Variants in WDFY3 observed in about 807,000 individuals in gnomAD.
WDFY3 encodes the protein WD repeat and FYVE domain containing 3, also known as WD repeat and FYVE domain-containing protein 3.
WDFY3 carries 66 observed loss-of-function variants against 409.6 expected under a neutral mutation model. The ratio of observed to expected loss-of-function variants is 0.16; its 90% confidence interval spans 0.13 to 0.20. WDFY3 has a LOEUF of 0.20. Among genes scored for constraint, WDFY3 ranks in the 10% least tolerant of loss-of-function variants. The probability of loss-of-function intolerance (pLI) is 1.00; values close to 1 mark genes in which losing one functional copy is unlikely to be tolerated. For synonymous variants in WDFY3, 1,521 were observed against 1,537.1 expected, an observed-to-expected ratio of 0.99 and a Z score of 0.25; for missense variants, 3,031 against 4,298.1, an observed-to-expected ratio of 0.71 and a Z score of 8.24.
intron 67 of WDFY3, 49 bp from the exon 68 acceptor site, chr4:84,673,040 T>C: frequency 6.2e-7 from 1 of 1,608,682 alleles, no homozygotes; most frequent in Non-Finnish European, 8.5e-7. Context: ...CCATGCTTGA[T>C]CATGGGCACC....
At chr4:84,710,575 T>C (rs187689537) in intron 51 of WDFY3, among the ~76,000 whole-genome samples, 55 of 152,358 alleles carry the variant, frequency 3.6e-4, no homozygotes, top group Admixed American at 2.2e-3. Context: ...CACTTTGAGA[T>C]AGTCTTTCCA....
chr4:84,888,780 C>T (rs1277944004), intron 3 of WDFY3, among the ~76,000 whole-genome samples: 1 of 151,550 alleles, frequency 6.6e-6, no homozygotes, highest in Non-Finnish European at 1.5e-5. Flanking sequence ...TTGGGACTAA[C>T]CAAGGTGAGA....
In WDFY3 at chr4:84,780,808, G is replaced by A. The variant is rs191980678; in HGVS notation, c.4175-510C>T. ...AAATAAATAAATAATAAAATTCTTTGAAAAGGAAAAAAAGCTAATCTACAT... is the reference window on the plus strand; with the variant it reads ...AAATAAATAAATAATAAAATTCTTTAAAAAGGAAAAAAAGCTAATCTACAT... On this transcript the variant is annotated intron_variant, in intron 25 of 67. Coordinates refer to ENST00000295888, the MANE Select transcript of WDFY3 (RefSeq NM_014991.6). Among the ~76,000 whole-genome samples the A allele has an allele frequency of 8.0e-3, 1,208 of 151,804 alleles. 14 individuals are homozygous for A. Among genetic ancestry groups the A allele is most frequent in the African/African-American group, 0.027 (1,137 of 41,462 alleles).
Position 84,695,979 on chromosome 4 carries a change from G to A in WDFY3, c.8892C>T (p.Ile2964=), listed in dbSNP as rs1730080291. The part of the protein sequence containing the change: ...TIGFINNFGQ[I]PKQLFKKPHP... ...AAAAAAACATCCATACCTGTTTAGG[G>A]ATCTGACCGAAGTTATTAATGAACC... The change falls in exon 58 of 68, where the codon ATC becomes ATT. Residue 2964 remains isoleucine, a synonymous_variant. Transcript: ENST00000295888. The A allele has an allele frequency of 1.2e-6, 2 of 1,614,046 alleles. No individual in the cohort carries two copies. The highest frequency in any genetic ancestry group is 1.3e-5 in the African/African-American group (1 of 75,044).
Position 84,777,764 on chromosome 4 carries a change from A to T in WDFY3, c.4518+739T>A, listed in dbSNP as rs548699326. ...GGTGGTAGGAACACAAAGACAAAGA[A>T]GATAAACATGATTTCCCCAATCATA... On this transcript the variant is annotated intron_variant, in intron 27 of 67. Transcript: ENST00000295888. Among the ~76,000 whole-genome samples, 4 of 152,270 alleles carry T rather than the reference A, an allele frequency of 2.6e-5. 1 individual carries two copies. In the South Asian group the frequency reaches 8.3e-4, roughly 32 times the overall value.
chr4:84,828,379 C>T (rs1002737217), intron 9 of WDFY3, among the ~76,000 whole-genome samples: 2 of 151,878 alleles, frequency 1.3e-5, no homozygotes, highest in African/African-American at 2.4e-5. Flanking sequence ...TTATTAAGTA[C>T]ATTAATAAAA....
At chr4:84,844,510 C>G (rs1210718295) in intron 5 of WDFY3, 1 of 1,289,038 alleles carries the variant, frequency 7.8e-7, no homozygotes, top group Non-Finnish European at 1.0e-6. Context: ...CACTGTTTTT[C>G]TGTTTAAAAA....
At chr4:84,849,778 G>A in intron 5 of WDFY3, 124 bp downstream of exon 5, 1 of 1,324,468 alleles carries the variant, frequency 7.6e-7, no homozygotes, top group Admixed American at 2.4e-5. Context: ...AAGGGAAAGG[G>A]AATGGGTAAA....
In WDFY3 at chr4:84,821,695, T is replaced by G. The variant is rs185684399; in HGVS notation, c.1124-144A>C. Reference sequence around the variant, plus strand: ...ACCCTGTTTTCACAAAAGGTCTTATTTTTCTTCATCAGGTTCAAATCATTT... The same window carrying G: ...ACCCTGTTTTCACAAAAGGTCTTATGTTTCTTCATCAGGTTCAAATCATTT... On this transcript the variant is annotated intron_variant, in intron 10 of 67. Transcript: ENST00000295888. The G allele has an allele frequency of 1.0e-4, 69 of 678,422 alleles. No homozygotes were observed. In the African/African-American group the frequency reaches 1.2e-3, roughly 12 times the overall value. 42.0% of individuals were successfully genotyped at this position (678,422 alleles called of 1,614,324 possible). A position where few individuals can be genotyped will look rare whatever the true frequency, so the allele number is the denominator to read the frequency against.
At position 84,724,543 on chromosome 4, in the gene WDFY3, T is replaced by C. The variant is rs149554071; in HGVS notation, c.7324A>G (p.Met2442Val). ...AVSYDSKEYY[M>V]RLASGNPAIV... is the part of the protein sequence containing the mutation. ...GCGGGATTGCCAGAGGCCAGTCGCATGTAGTACTCTTTACTGTCATAACTT... is the reference window on the plus strand; with the variant it reads ...GCGGGATTGCCAGAGGCCAGTCGCACGTAGTACTCTTTACTGTCATAACTT... The change falls in exon 46 of 68, where the codon ATG becomes GTG. Residue 2442 changes from methionine to valine, a missense_variant. Coordinates refer to ENST00000295888, the MANE Select transcript of WDFY3 (RefSeq NM_014991.6). 32 of 1,614,126 alleles carry C rather than the reference T, an allele frequency of 2.0e-5. No homozygotes were observed. In the African/African-American group the frequency reaches 3.5e-4, roughly 17 times the overall value.
intron 17 of WDFY3, among the ~76,000 whole-genome samples, chr4:84,801,037 G>A (rs1468186605): frequency 6.6e-6 from 1 of 152,160 alleles, no homozygotes; most frequent in Non-Finnish European, 1.5e-5. Context: ...ATGGGCTAAG[G>A]GCTAACGATG....
At chr4:84,740,118 A>C in intron 39 of WDFY3, 69 bp downstream of exon 39, 1 of 1,485,862 alleles carries the variant, frequency 6.7e-7, no homozygotes, top group Non-Finnish European at 9.3e-7. Flanking sequence ...TATCAAAAAA[A>C]ATAAAGAATT....
intron 1 of WDFY3, among the ~76,000 whole-genome samples, chr4:84,960,929 AT>A (rs1774833833): frequency 6.6e-6 from 1 of 152,100 alleles, no homozygotes; most frequent in South Asian, 2.1e-4. Context: ...ACTACGTGAA[AT>A]TTCAAAGACA....
At position 84,831,655 on chromosome 4, in the gene WDFY3, A is replaced by G. The variant is rs1460979903; in HGVS notation, c.577-50T>C. On this transcript the variant is annotated intron_variant, in intron 7 of 67. Coordinates refer to ENST00000295888, the MANE Select transcript of WDFY3 (RefSeq NM_014991.6). Reference sequence around the variant, plus strand: ...AAGAGTGTATAAGCAAAAATCAAATAATCTGATTTAAAAATGGGCAAATGA... The same window carrying G: ...AAGAGTGTATAAGCAAAAATCAAATGATCTGATTTAAAAATGGGCAAATGA... The G allele has an allele frequency of 2.6e-6, 4 of 1,513,120 alleles. No individual in the cohort carries two copies. The South Asian group carries it at 3.8e-5, about 14-fold the overall frequency. The allele number at this position is 1,513,120 out of a possible 1,614,324, so 93.7% of individuals were successfully genotyped here. A position where few individuals can be genotyped will look rare whatever the true frequency, so the allele number is the denominator to read the frequency against.
intron 17 of WDFY3, among the ~76,000 whole-genome samples, chr4:84,801,020 G>A (rs1750445840): frequency 6.6e-6 from 1 of 152,170 alleles, no homozygotes; most frequent in African/African-American, 2.4e-5. Flanking sequence ...ACAGATCAGT[G>A]ATTTCCATGG....
chr4:84,688,493 G>T (rs1468542185), intron 61 of WDFY3, among the ~76,000 whole-genome samples: 1 of 152,168 alleles, frequency 6.6e-6, no homozygotes, highest in East Asian at 1.9e-4. Flanking sequence ...CACTCTGGAG[G>T]CTCTTTACTT....
chr4:84,855,723 A>G (rs928772884), intron 4 of WDFY3, among the ~76,000 whole-genome samples: 2 of 152,238 alleles, frequency 1.3e-5, no homozygotes, highest in African/African-American at 4.8e-5. Flanking sequence ...AACAATGTTA[A>G]AAAATTAACA....
At chr4:84,734,976 GACAA>G in intron 43 of WDFY3, 63 bp downstream of exon 43, 4 of 1,334,222 alleles carry the variant, frequency 3.0e-6, no homozygotes, top group Non-Finnish European at 4.3e-6. Context: ...AAGATACCAG[GACAA>G]ACAGAGACCT....
At chr4:84,704,271 A>T in intron 55 of WDFY3, 67 bp downstream of exon 55, 1 of 1,146,672 alleles carries the variant, frequency 8.7e-7, no homozygotes, top group Non-Finnish European at 1.2e-6. Context: ...ATGATGTTTT[A>T]AAAGGTGACA....
Sources: allele counts gnomAD v4.1 joint callset (sites outside exome capture counted in the v4.1 genomes callset), GRCh38; gene constraint gnomAD v4.1.1; transcripts MANE v1.5; gene names NCBI Gene and HGNC (gene_info 2026-07-23, HGNC 2026-07-21).